The following EIF4G3 variants were observed in gnomAD, a reference collection of about 807,000 sequenced individuals.
EIF4G3 encodes eukaryotic translation initiation factor 4 gamma 3.
In EIF4G3, 34 loss-of-function variants were observed where a neutral mutation model predicts 186.4. The observed-to-expected ratio is 0.18, with a 90% CI of 0.14 to 0.24. The LOEUF is 0.24. Ranked by LOEUF, EIF4G3 falls within the 10% of genes least tolerant of loss-of-function variation. EIF4G3 has a pLI of 1.00. For synonymous variants in EIF4G3, 673 were observed against 679.5 expected, an observed-to-expected ratio of 0.99 and a Z score of 0.15; for missense variants, 1,536 against 1,948.5, an observed-to-expected ratio of 0.79 and a Z score of 3.99.
At position 20,854,916 on chromosome 1, in the gene EIF4G3, T is replaced by C. The variant is rs561157217; in HGVS notation, c.3433+62A>G. 22 of 1,366,202 alleles carry C rather than the reference T, an allele frequency of 1.6e-5. No homozygotes were observed. The East Asian group carries it at 5.2e-4, about 32-fold the overall frequency. The allele number at this position is 1,366,202 out of a possible 1,614,324, so 84.6% of individuals were successfully genotyped here. A position where few individuals can be genotyped will look rare whatever the true frequency, so the allele number is the denominator to read the frequency against. On this transcript the variant is annotated intron_variant, in intron 26 of 36. Transcript: ENST00000602326. ...AACCATCATTCGATGACTATGGGAA[T>C]GCGCTGTAAGGCAAATGCTAACAAG...
chr1:20,994,166 C>A (rs535912041), intron 7 of EIF4G3, among the ~76,000 whole-genome samples: 118 of 152,318 alleles, frequency 7.7e-4, no homozygotes, highest in African/African-American at 2.6e-3. Context: ...GTATTATATA[C>A]GGCAGCTTTG....
intron 3 of EIF4G3, among the ~76,000 whole-genome samples, chr1:21,088,033 C>T (rs112179683): frequency 6.6e-6 from 1 of 151,636 alleles, no homozygotes; most frequent in African/African-American, 2.4e-5. Flanking sequence ...GAGTTCAAGG[C>T]TGCAGTAATC....
intron 2 of EIF4G3, chr1:21,162,165 T>G (rs1478910187): frequency 6.6e-6 from 1 of 152,630 alleles, no homozygotes; most frequent in East Asian, 1.9e-4. Flanking sequence ...ATCATGTAAA[T>G]AATTTCCATG....
At chr1:20,819,910 G>A (rs72652912) in intron 33 of EIF4G3, among the ~76,000 whole-genome samples, 2,743 of 152,214 alleles carry the variant, frequency 0.018, 38 homozygotes, top group Non-Finnish European at 0.028. Flanking sequence ...GAGGGGAGAG[G>A]AGAGGAGACA....
At chr1:20,843,708 ATG>A (rs1252830017) in intron 29 of EIF4G3, among the ~76,000 whole-genome samples, 3 of 152,082 alleles carry the variant, frequency 2.0e-5, no homozygotes, top group South Asian at 4.1e-4. Flanking sequence ...ACATAGGTAA[ATG>A]TGTGTCATGG....
intron 14 of EIF4G3, among the ~76,000 whole-genome samples, chr1:20,929,885 C>T (rs977722855): frequency 1.3e-5 from 2 of 152,088 alleles, no homozygotes; most frequent in African/African-American, 4.8e-5. Flanking sequence ...TGAAAAACTA[C>T]ATTCAGATCC....
At chr1:20,920,546 C>A (rs2094407468) in intron 14 of EIF4G3, among the ~76,000 whole-genome samples, 3 of 152,144 alleles carry the variant, frequency 2.0e-5, no homozygotes, top group African/African-American at 7.2e-5. Context: ...GTGATTCCTA[C>A]TGCCAAGAAC....
At chr1:21,131,979 A>T (rs9426653) in intron 2 of EIF4G3, among the ~76,000 whole-genome samples, 6,919 of 152,046 alleles carry the variant, frequency 0.046, 401 homozygotes, top group African/African-American at 0.12. Flanking sequence ...CAAAAAAAAA[A>T]TTTTTTTAAT....
intron 12 of EIF4G3, among the ~76,000 whole-genome samples, chr1:20,954,396 C>A (rs1234276666): frequency 2.0e-5 from 3 of 151,904 alleles, no homozygotes; most frequent in Admixed American, 2.0e-4. Flanking sequence ...ATAAGCTGGA[C>A]ACAGTGGCAG....
At chr1:20,948,029 T>C (rs565625458) in intron 13 of EIF4G3, among the ~76,000 whole-genome samples, 1 of 152,274 alleles carries the variant, frequency 6.6e-6, no homozygotes, top group East Asian at 1.9e-4. Context: ...TCAAAGTATG[T>C]GATAAATTTT....
intron 3 of EIF4G3, among the ~76,000 whole-genome samples, chr1:21,063,472 G>A (rs980347814): frequency 5.3e-5 from 8 of 152,128 alleles, no homozygotes; most frequent in Non-Finnish European, 1.2e-4. Context: ...TAACTCATTA[G>A]AGAACAAGTA....
chr1:21,128,231 G>A (rs2097088176), intron 2 of EIF4G3, among the ~76,000 whole-genome samples: 1 of 149,636 alleles, frequency 6.7e-6, no homozygotes, highest in Non-Finnish European at 1.5e-5. Context: ...AGTTTCGGCT[G>A]GGTGTGGTGG....
At chr1:21,135,174 C>T (rs903333445) in intron 2 of EIF4G3, among the ~76,000 whole-genome samples, 1 of 152,170 alleles carries the variant, frequency 6.6e-6, no homozygotes, top group Non-Finnish European at 1.5e-5. Flanking sequence ...GAGGTCAACA[C>T]CACCCGCAGA....
At chr1:20,826,828 G>A (rs923548127) in intron 32 of EIF4G3, among the ~76,000 whole-genome samples, 4 of 152,028 alleles carry the variant, frequency 2.6e-5, no homozygotes, top group South Asian at 2.1e-4. Flanking sequence ...CAAGTAGGTC[G>A]GAGAGGAGGA....
At chr1:21,074,509 T>C (rs962057408) in intron 3 of EIF4G3, among the ~76,000 whole-genome samples, 3 of 152,184 alleles carry the variant, frequency 2.0e-5, no homozygotes, top group African/African-American at 7.2e-5. Flanking sequence ...TCAGTTATCA[T>C]TCATAAATGC....
At chr1:21,070,131 G>A (rs577875774) in intron 3 of EIF4G3, among the ~76,000 whole-genome samples, 2 of 152,046 alleles carry the variant, frequency 1.3e-5, no homozygotes, top group East Asian at 3.9e-4. Flanking sequence ...CAATAATCTA[G>A]GAAAATTTTA....
chr1:21,131,700 G>A (rs2097157587), intron 2 of EIF4G3, among the ~76,000 whole-genome samples: 1 of 152,130 alleles, frequency 6.6e-6, no homozygotes, highest in Admixed American at 6.6e-5. Context: ...AAAAGAGTGT[G>A]GCTGGGCATG....
chr1:21,036,398 GT>G (rs1557643831), intron 4 of EIF4G3, among the ~76,000 whole-genome samples: 2 of 152,084 alleles, frequency 1.3e-5, no homozygotes, highest in Non-Finnish European at 2.9e-5. Context: ...TCAGGCAAAG[GT>G]GCCACAGGCC....
At chr1:20,941,239 A>C in intron 14 of EIF4G3, 1 of 1,538,000 alleles carries the variant, frequency 6.5e-7, no homozygotes, top group Non-Finnish European at 8.8e-7. Flanking sequence ...ACAAAACCCA[A>C]CATGTTTCGT....
Sources: gnomAD v4.1 joint callset for allele counts (sites outside exome capture counted in the v4.1 genomes callset) on GRCh38, gnomAD v4.1.1 for gene constraint, MANE v1.5 for transcripts, NCBI Gene and HGNC (gene_info 2026-07-23, HGNC 2026-07-21) for gene names.